TUSC3: variants seen among roughly 807,000 people sequenced by gnomAD.
TUSC3 encodes dolichyl-diphosphooligosaccharide--protein glycosyltransferase subunit TUSC3.
In TUSC3, 45 loss-of-function variants were observed where a neutral mutation model predicts 44.8. That is an observed-to-expected ratio of 1.00 (90% CI 0.79 to 1.29). The LOEUF (loss-of-function observed/expected upper bound fraction) is 1.29. Among genes scored for constraint, TUSC3 ranks in the 50% most tolerant of loss-of-function variants. The probability of loss-of-function intolerance (pLI) is 0.00; values close to 1 mark genes in which losing one functional copy is unlikely to be tolerated. For missense variants in TUSC3, 519 were observed against 437.9 expected (o/e 1.19, Z -1.65); for synonymous variants, 212 against 152.9 (o/e 1.39, Z -2.85).
At chr8:15,802,970 A>G in the TUSC3 span, among the ~76,000 whole-genome samples, 2 of 152,304 alleles carry the variant, frequency 1.3e-5, no homozygotes, top group East Asian at 3.9e-4. Context: ...CATAAAAAGG[A>G]TTTATTTTAG....
chr8:15,495,612 C>G (rs960951501), intron 2 of TUSC3, among the ~76,000 whole-genome samples: 7 of 152,224 alleles, frequency 4.6e-5, no homozygotes, highest in African/African-American at 1.7e-4. Context: ...CCCTAATGCA[C>G]AATTCTACCC....
chr8:15,476,716 G>C (rs538730574), intron 1 of TUSC3, among the ~76,000 whole-genome samples: 1 of 152,160 alleles, frequency 6.6e-6, no homozygotes, highest in South Asian at 2.1e-4. Flanking sequence ...GAGCAGGCCC[G>C]AGCATAGGGG....
At chr8:15,512,931 CATATATATATATATATAT>C (rs10696221) in intron 2 of TUSC3, among the ~76,000 whole-genome samples, 1 of 110,604 alleles carries the variant, frequency 9.0e-6, no homozygotes, top group African/African-American at 4.3e-5. Flanking sequence ...TATATATAAT[CATATATATATATATATAT>C]ATATATATAT....
At chr8:15,490,064 TA>T (rs1469004626) in intron 2 of TUSC3, among the ~76,000 whole-genome samples, 1 of 152,192 alleles carries the variant, frequency 6.6e-6, no homozygotes, top group African/African-American at 2.4e-5. Context: ...ATGGTGTCCT[TA>T]AGTATGTAAA....
intron 1 of TUSC3, among the ~76,000 whole-genome samples, chr8:15,457,320 AATATAT>A (rs1200695288): frequency 1.3e-5 from 2 of 151,716 alleles, no homozygotes; most frequent in Non-Finnish European, 2.9e-5. Flanking sequence ...GTATAATAAA[AATATAT>A]ATATATTTAA....
At chr8:15,724,172 G>T (rs1372731791) in intron 6 of TUSC3, among the ~76,000 whole-genome samples, 1 of 152,130 alleles carries the variant, frequency 6.6e-6, no homozygotes, top group Admixed American at 6.6e-5. Flanking sequence ...GAAGCTGGCT[G>T]TCTTCTGCCC....
At chr8:15,818,608 G>A in the TUSC3 span, among the ~76,000 whole-genome samples, 411 of 152,214 alleles carry the variant, frequency 2.7e-3, 2 homozygotes, top group South Asian at 0.016. Context: ...TGACTGACAC[G>A]GAGGATCAGA....
intron 1 of TUSC3, among the ~76,000 whole-genome samples, chr8:15,559,054 G>C (rs1802366737): frequency 6.9e-6 from 1 of 145,728 alleles, no homozygotes. Context: ...GCTTTTGAAT[G>C]TGTTTGCTCT....
chr8:15,647,599 C>T (rs1467937157), intron 2 of TUSC3, among the ~76,000 whole-genome samples: 3 of 152,176 alleles, frequency 2.0e-5, no homozygotes, highest in Admixed American at 2.0e-4. Flanking sequence ...ACCTCACTCA[C>T]TGCATTTCTA....
chr8:15,676,032 C>T (rs114406057), intron 6 of TUSC3, among the ~76,000 whole-genome samples: 2 of 152,068 alleles, frequency 1.3e-5, no homozygotes, highest in African/African-American at 4.8e-5. Context: ...TATAATTGTA[C>T]TAATTTACAT....
chr8:15,721,791 A>C (rs193086721), intron 6 of TUSC3, among the ~76,000 whole-genome samples: 16 of 152,176 alleles, frequency 1.1e-4, no homozygotes, highest in South Asian at 6.2e-4. Context: ...CAGACTTTTT[A>C]AAGTTTATGT....
At chr8:15,551,988 T>G (rs890207629) in intron 1 of TUSC3, among the ~76,000 whole-genome samples, 1 of 151,744 alleles carries the variant, frequency 6.6e-6, no homozygotes, top group African/African-American at 2.4e-5. Flanking sequence ...CTTAGTAAAA[T>G]AGAAACTTCT....
chr8:15,657,779 C>A (rs552264016), intron 3 of TUSC3, among the ~76,000 whole-genome samples: 1 of 152,252 alleles, frequency 6.6e-6, no homozygotes, highest in South Asian at 2.1e-4. Context: ...CCTCTGAGAC[C>A]AGTGTTTGTC....
chr8:15,535,788 T>C (rs1210610580), upstream of TUSC3, among the ~76,000 whole-genome samples: 1 of 151,976 alleles, frequency 6.6e-6, no homozygotes. Context: ...GTAAGGAGTT[T>C]TAAGAAGGGG....
At chr8:15,825,971 G>A in the TUSC3 span, among the ~76,000 whole-genome samples, 1 of 145,536 alleles carries the variant, frequency 6.9e-6, no homozygotes, top group Non-Finnish European at 1.5e-5. Flanking sequence ...GTACAGACTT[G>A]AACACATTAA....
At chr8:15,644,504 C>T (rs1257378279) in intron 2 of TUSC3, among the ~76,000 whole-genome samples, 2 of 152,078 alleles carry the variant, frequency 1.3e-5, no homozygotes, top group African/African-American at 4.8e-5. Context: ...AATAAGCTTT[C>T]GTAATGTCTC....
At chr8:15,727,859 A>G (rs138700567) in intron 6 of TUSC3, among the ~76,000 whole-genome samples, 153 of 152,342 alleles carry the variant, frequency 1.0e-3, no homozygotes, top group African/African-American at 2.9e-3. Context: ...GATTTTTAGT[A>G]AAGTATCTTG....
chr8:15,738,879 C>T (rs1046446726), intron 7 of TUSC3, among the ~76,000 whole-genome samples: 10 of 117,156 alleles, frequency 8.5e-5, no homozygotes, highest in African/African-American at 1.3e-4. Context: ...GTTGCCCAGG[C>T]TGGAGTGCAG....
the TUSC3 span, among the ~76,000 whole-genome samples, chr8:15,851,491 T>C: frequency 1.3e-5 from 2 of 152,190 alleles, no homozygotes; most frequent in Admixed American, 1.3e-4. Flanking sequence ...TAGAGAAAAC[T>C]GCAAGGTGTG....
Sources: allele counts gnomAD v4.1 joint callset (sites outside exome capture counted in the v4.1 genomes callset), GRCh38; gene constraint gnomAD v4.1.1; transcripts MANE v1.5; gene names NCBI Gene and HGNC (gene_info 2026-07-23, HGNC 2026-07-21).